LSAMP: variants seen among roughly 807,000 people sequenced by gnomAD.
The protein encoded by LSAMP is limbic system-associated membrane protein.
In LSAMP, 7 loss-of-function variants were observed where a neutral mutation model predicts 38.6. That is an observed-to-expected ratio of 0.18 (90% CI 0.10 to 0.34). The LOEUF (loss-of-function observed/expected upper bound fraction) is 0.34. Ranked by LOEUF, LSAMP falls within the 10% of genes least tolerant of loss-of-function variation. The pLI, the probability that LSAMP is intolerant of heterozygous loss-of-function variation, is 1.00. For missense variants in LSAMP, 313 were observed against 420.0 expected (o/e 0.75, Z 2.23); for synonymous variants, 154 against 166.8 (o/e 0.92, Z 0.59).
intron 1 of LSAMP, among the ~76,000 whole-genome samples, chr3:116,110,026 G>T (rs1353447686): frequency 6.6e-6 from 1 of 151,844 alleles, no homozygotes; most frequent in Non-Finnish European, 1.5e-5. Flanking sequence ...AAGGGATTGG[G>T]GCACAGAGAT....
At chr3:116,421,511 TC>T (rs1351455466) in intron 1 of LSAMP, among the ~76,000 whole-genome samples, 1 of 148,312 alleles carries the variant, frequency 6.7e-6, no homozygotes, top group East Asian at 2.0e-4. Flanking sequence ...GCCATTGCAC[TC>T]CAGCCTGGGC....
At chr3:116,366,729 C>T (rs1263883863) in intron 1 of LSAMP, among the ~76,000 whole-genome samples, 1 of 152,122 alleles carries the variant, frequency 6.6e-6, no homozygotes, top group African/African-American at 2.4e-5. Context: ...AAACTCTGTG[C>T]TCTTAAGGGT....
At chr3:115,993,980 T>C (rs906906254) in intron 3 of LSAMP, among the ~76,000 whole-genome samples, 4 of 152,110 alleles carry the variant, frequency 2.6e-5, no homozygotes, top group Non-Finnish European at 5.9e-5. Context: ...TAAAAATTAG[T>C]GGTTCAAGTT....
chr3:116,136,629 T>C (rs1203805570), intron 1 of LSAMP, among the ~76,000 whole-genome samples: 1 of 152,172 alleles, frequency 6.6e-6, no homozygotes, highest in Non-Finnish European at 1.5e-5. Context: ...TTCTCTTTTC[T>C]GCCATTTTTT....
At chr3:115,967,371 C>T (rs1312793400) in intron 3 of LSAMP, among the ~76,000 whole-genome samples, 1 of 152,148 alleles carries the variant, frequency 6.6e-6, no homozygotes, top group African/African-American at 2.4e-5. Flanking sequence ...GGCTGGATTT[C>T]ATTGTCCATA....
chr3:116,272,292 G>A lies in LSAMP; in HGVS notation c.155+172585C>T, dbSNP rs1249641094. Among the ~76,000 whole-genome samples the A allele has an allele frequency of 2.0e-5, 3 of 152,084 alleles. No homozygotes were observed. The East Asian group carries it at 5.8e-4, about 29-fold the overall frequency. ...ACTGAGACAACTAATTCAGTATTTGGAGAAAGGCAAAAATAACAATGGACA... is the reference window on the plus strand; with the variant it reads ...ACTGAGACAACTAATTCAGTATTTGAAGAAAGGCAAAAATAACAATGGACA... On this transcript the variant is annotated intron_variant, in intron 1 of 6. Coordinates refer to ENST00000490035, the MANE Select transcript of LSAMP (RefSeq NM_002338.5).
intron 1 of LSAMP, among the ~76,000 whole-genome samples, chr3:116,086,837 T>G (rs983227087): frequency 2.0e-5 from 3 of 152,246 alleles, no homozygotes; most frequent in East Asian, 3.9e-4. Flanking sequence ...TCCCATTATC[T>G]TCTTCTTGTT....
intron 1 of LSAMP, among the ~76,000 whole-genome samples, chr3:116,301,325 A>G (rs1366635975): frequency 6.6e-6 from 1 of 152,226 alleles, no homozygotes; most frequent in Non-Finnish European, 1.5e-5. Context: ...TATTGTTAAT[A>G]CAACTGACAC....
chr3:116,423,986 G>A (rs1185365697), intron 1 of LSAMP, among the ~76,000 whole-genome samples: 3 of 152,112 alleles, frequency 2.0e-5, no homozygotes, highest in African/African-American at 7.2e-5. Flanking sequence ...TCTAGAACAG[G>A]TGATGGAAAC....
At chr3:116,110,400 A>C (rs1708576698) in intron 1 of LSAMP, among the ~76,000 whole-genome samples, 1 of 152,202 alleles carries the variant, frequency 6.6e-6, no homozygotes, top group African/African-American at 2.4e-5. Context: ...ACACCCTTGA[A>C]ACATGGGTGA....
At chr3:116,087,812 T>C (rs1405618125) in intron 1 of LSAMP, among the ~76,000 whole-genome samples, 1 of 152,202 alleles carries the variant, frequency 6.6e-6, no homozygotes, top group Admixed American at 6.5e-5. Context: ...CTAAGTCTTT[T>C]TAAATACTCC....
At chr3:116,005,210 G>A (rs1940121536) in intron 3 of LSAMP, among the ~76,000 whole-genome samples, 1 of 152,220 alleles carries the variant, frequency 6.6e-6, no homozygotes, top group East Asian at 1.9e-4. Context: ...CTGTCTTAGT[G>A]TTTCCATGGA....
chr3:115,930,035 AG>A, intron 3 of LSAMP, among the ~76,000 whole-genome samples: 1 of 95,242 alleles, frequency 1.0e-5, no homozygotes, highest in Non-Finnish European at 2.1e-5. Flanking sequence ...TTGACACAGC[AG>A]ATAGGTCTTG....
At chr3:115,815,814 A>G (rs1933998666) in intron 6 of LSAMP, among the ~76,000 whole-genome samples, 2 of 152,152 alleles carry the variant, frequency 1.3e-5, no homozygotes, top group Admixed American at 6.6e-5. Flanking sequence ...CCTGTTTCCA[A>G]GTATATATTC....
At chr3:116,085,851 C>G (rs1292033412) in intron 2 of LSAMP, among the ~76,000 whole-genome samples, 1 of 152,122 alleles carries the variant, frequency 6.6e-6, no homozygotes, top group Non-Finnish European at 1.5e-5. Flanking sequence ...AATAAAAAGT[C>G]CTCTGGAAAA....
At chr3:116,069,869 T>A (rs1211162815) in intron 2 of LSAMP, among the ~76,000 whole-genome samples, 2 of 152,162 alleles carry the variant, frequency 1.3e-5, no homozygotes, top group Non-Finnish European at 2.9e-5. Context: ...AGGGAAACGC[T>A]GGCAATGAAG....
rs1459966746 is a variant in LSAMP, at chr3:116,284,592, C to T, written c.155+160285G>A. Reference sequence around the variant, plus strand: ...TCTTTCTTCCCACCAGGTGAAATCTCTATGTTTCACCCTTAACTCCAAACC... The same window carrying T: ...TCTTTCTTCCCACCAGGTGAAATCTTTATGTTTCACCCTTAACTCCAAACC... On this transcript the variant is annotated intron_variant, in intron 1 of 6. Transcript: ENST00000490035. Among the ~76,000 whole-genome samples, 7 of 152,270 alleles carry T rather than the reference C, an allele frequency of 4.6e-5. No individual in the cohort carries two copies. The East Asian group carries it at 1.2e-3, about 25-fold the overall frequency.
intron 1 of LSAMP, among the ~76,000 whole-genome samples, chr3:116,397,744 C>A (rs1368295630): frequency 6.6e-6 from 1 of 152,014 alleles, no homozygotes; most frequent in Non-Finnish European, 1.5e-5. Flanking sequence ...TGAAAAAAAT[C>A]TCAGAGGAAG....
At chr3:116,240,422 A>G (rs34451082) in intron 1 of LSAMP, among the ~76,000 whole-genome samples, 1 of 152,238 alleles carries the variant, frequency 6.6e-6, no homozygotes, top group Non-Finnish European at 1.5e-5. Context: ...ATTAAAAAAG[A>G]CAATAAGGAA....
Sources: allele counts gnomAD v4.1 joint callset (sites outside exome capture counted in the v4.1 genomes callset), GRCh38; gene constraint gnomAD v4.1.1; transcripts MANE v1.5; gene names NCBI Gene and HGNC (gene_info 2026-07-23, HGNC 2026-07-21).